Variants in MYH14 observed in about 807,000 individuals in gnomAD.
MYH14 encodes the protein myosin heavy chain 14, also known as myosin-14.
MYH14 carries 123 observed loss-of-function variants against 255.5 expected under a neutral mutation model. The observed-to-expected ratio is 0.48, with a 90% CI of 0.42 to 0.56. The LOEUF is 0.56. Among genes scored for constraint, MYH14 ranks in the 20% least tolerant of loss-of-function variants. The probability of loss-of-function intolerance (pLI) is 0.00; values close to 1 mark genes in which losing one functional copy is unlikely to be tolerated. For synonymous variants in MYH14, 1,095 were observed against 1,161.2 expected (o/e 0.94, Z 1.16); for missense variants, 2,423 against 2,802.3 (o/e 0.86, Z 3.06).
chr19:50,253,489 A>G (rs113249794), intron 16 of MYH14, among the ~76,000 whole-genome samples: 9 of 152,054 alleles, frequency 5.9e-5, no homozygotes, highest in African/African-American at 2.2e-4. Flanking sequence ...TAACAATAAG[A>G]GAACACAGAA....
At position 50,252,808 on chromosome 19, in the gene MYH14, A is replaced by C. The variant is rs918955750; in HGVS notation, c.1945+55A>C. On this transcript the variant is annotated intron_variant, in intron 16 of 42. Transcript: ENST00000642316. This position sits in a 1 kb window ranked among gnomAD's most constrained non-coding sequence, Gnocchi z 4.2. Reference sequence around the variant, plus strand: ...TAGGGGTCTGTGCGGCCATTCTCCAAATCCACAGCGTGAGCACCTTTGTTT... The same window carrying C: ...TAGGGGTCTGTGCGGCCATTCTCCACATCCACAGCGTGAGCACCTTTGTTT... The C allele has an allele frequency of 9.3e-6, 12 of 1,290,832 alleles. No individual in the cohort carries two copies. The East Asian group carries it at 2.8e-4, about 30-fold the overall frequency. 80.0% of individuals were successfully genotyped at this position (1,290,832 alleles called of 1,614,324 possible). A position where few individuals can be genotyped will look rare whatever the true frequency, so the allele number is the denominator to read the frequency against.
At position 50,277,995 on chromosome 19, in the gene MYH14, GC is replaced by G. The variant is rs1446533316; in HGVS notation, c.3826-86del. 2.1e-5 allele frequency: 21 copies of G among 977,934 alleles called. 1 individual carries two copies. The highest frequency in any genetic ancestry group is 3.2e-5 in the Admixed American group (1 of 31,358). The allele number at this position is 977,934 out of a possible 1,614,324, so 60.6% of individuals were successfully genotyped here. A position where few individuals can be genotyped will look rare whatever the true frequency, so the allele number is the denominator to read the frequency against. ...AAGTGTGTTCCAGGCAGAGGGAACA[GC>G]CAGTGCAAAGGCCCTGAGATGGGAG... On this transcript the variant is annotated intron_variant, in intron 29 of 42. Coordinates refer to ENST00000642316, the MANE Select transcript of MYH14 (RefSeq NM_001145809.2).
At position 50,277,917 on chromosome 19, in the gene MYH14, CA is replaced by C. The variant is rs11365121; in HGVS notation, c.3826-150del. Among the ~76,000 whole-genome samples, 6,412 of 121,990 alleles carry C rather than the reference CA, an allele frequency of 0.053. 341 individuals are homozygous for C. The highest frequency in any genetic ancestry group is 0.15 in the African/African-American group (5,331 of 34,404). 80.0% of individuals were successfully genotyped at this position (121,990 alleles called of 152,430 possible). A position where few individuals can be genotyped will look rare whatever the true frequency, so the allele number is the denominator to read the frequency against. ...GGGCAACAAGACTGAAGCACTGTCT[CA>C]AAAAAAAAAAAAAAATTGGGAGTGA... On this transcript the variant is annotated intron_variant, in intron 29 of 42. Coordinates refer to ENST00000642316, the MANE Select transcript of MYH14 (RefSeq NM_001145809.2).
intron 1 of MYH14, among the ~76,000 whole-genome samples, chr19:50,207,713 T>C (rs1164551006): frequency 6.6e-6 from 1 of 152,218 alleles, no homozygotes; most frequent in African/African-American, 2.4e-5. Context: ...TCTGCAGGCA[T>C]GAGATAGGCG....
intron 33 of MYH14, among the ~76,000 whole-genome samples, chr19:50,284,170 A>G (rs186725116): frequency 3.9e-5 from 6 of 152,130 alleles, no homozygotes; most frequent in Non-Finnish European, 8.8e-5. Context: ...ATGCTTTGCA[A>G]ATATTTTTGT....
At position 50,310,074 on chromosome 19, in the gene MYH14, GTCC is replaced by G. The variant is rs2036807369; in HGVS notation, c.*289_*291del. 3.7e-6 allele frequency: 2 copies of G among 538,320 alleles called. No individual in the cohort carries two copies. The highest frequency in any genetic ancestry group is 6.6e-6 in the Non-Finnish European group (2 of 303,526). The allele number at this position is 538,320 out of a possible 1,614,324, so 33.3% of individuals were successfully genotyped here. On this transcript the variant is annotated 3_prime_UTR_variant, in exon 43 of 43. Transcript: ENST00000642316. ...CAAGCTGTGTTTCCATCAGCTCCCTGTCCTCCTTTCTTCCCTCGTTATTGATCT... is the reference window on the plus strand; with the variant it reads ...CAAGCTGTGTTTCCATCAGCTCCCTGTCCTTTCTTCCCTCGTTATTGATCT...
intron 2 of MYH14, among the ~76,000 whole-genome samples, chr19:50,216,186 G>C (rs938580902): frequency 6.6e-6 from 1 of 152,154 alleles, no homozygotes; most frequent in Non-Finnish European, 1.5e-5. Flanking sequence ...CTGTTACAGA[G>C]TCCTGAGGCC....
At chr19:50,261,184 AC>A (rs1233394219) in intron 20 of MYH14, among the ~76,000 whole-genome samples, 1 of 730 alleles carries the variant, frequency 1.4e-3, no homozygotes, top group Non-Finnish European at 4.3e-3. Flanking sequence ...CCTCCTCACC[AC>A]CCCCCCATCA....
rs138001307 is a variant in MYH14, at chr19:50,217,735, G to T, written c.526G>T (p.Ala176Ser). The T allele has an allele frequency of 5.6e-6, 9 of 1,613,796 alleles. No individual in the cohort carries two copies. In the East Asian group the frequency reaches 1.8e-4, roughly 32 times the overall value. The change falls in exon 3 of 43, where the codon GCA becomes TCA. Residue 176 changes from alanine (A) to serine (S), a missense_variant. Transcript: ENST00000642316. ...CCACGAGGTGCCACCCCACGTGTAC[G>T]CAGTGACCGAGGGGGCCTATCGGAG... is the stretch of plus-strand genomic sequence containing the variant. ...KRHEVPPHVY[A>S]VTEGAYRSML...
chr19:50,307,539 T>A (rs1172580565), intron 41 of MYH14, among the ~76,000 whole-genome samples: 1 of 152,166 alleles, frequency 6.6e-6, no homozygotes, highest in East Asian at 1.9e-4. Flanking sequence ...ATTTACCCTC[T>A]TATTTATGTG....
At chr19:50,236,002 G>T (rs1341515475) in intron 10 of MYH14, among the ~76,000 whole-genome samples, 5 of 149,442 alleles carry the variant, frequency 3.3e-5, no homozygotes, top group Non-Finnish European at 5.9e-5. Flanking sequence ...TAGAGCCTTA[G>T]GTTGTTTCCA....
At chr19:50,225,114 TAAC>T (rs1028070666) in intron 6 of MYH14, among the ~76,000 whole-genome samples, 3 of 152,162 alleles carry the variant, frequency 2.0e-5, no homozygotes, top group Admixed American at 6.6e-5. Flanking sequence ...ATATTCATTG[TAAC>T]AACAACAAAT....
Position 50,276,291 on chromosome 19 carries a change from A to C in MYH14, c.3680+88A>C. On this transcript the variant is annotated intron_variant, in intron 28 of 42. Coordinates refer to ENST00000642316, the MANE Select transcript of MYH14 (RefSeq NM_001145809.2). This position sits in a 1 kb window ranked among gnomAD's most constrained non-coding sequence, Gnocchi z 4.3. The stretch of plus-strand genomic sequence containing the variant: ...AGGTACAAAGTCTCTGTCTATACAG[A>C]GGCTTACTTATTGTACAGTTGTTCA... 9.5e-7 allele frequency: 1 copy of C among 1,053,090 alleles called. No homozygotes were observed. The highest frequency in any genetic ancestry group is 1.3e-6 in the Non-Finnish European group (1 of 748,046). The allele number at this position is 1,053,090 out of a possible 1,614,324, so 65.2% of individuals were successfully genotyped here.
intron 5 of MYH14, among the ~76,000 whole-genome samples, chr19:50,223,735 G>T (rs1265454114): frequency 6.6e-6 from 1 of 152,186 alleles, no homozygotes; most frequent in African/African-American, 2.4e-5. Context: ...CGGGTGGGGT[G>T]GGTGCTGTTT....
intron 10 of MYH14, among the ~76,000 whole-genome samples, chr19:50,233,620 G>A (rs1369222894): frequency 1.3e-5 from 2 of 152,084 alleles, no homozygotes; most frequent in African/African-American, 2.4e-5. Context: ...CCAGACGCCC[G>A]GGATCGTGGT....
At chr19:50,259,325 G>A (rs1207996132) in intron 19 of MYH14, 60 bp downstream of exon 19, 6 of 1,544,366 alleles carry the variant, frequency 3.9e-6, no homozygotes, top group Non-Finnish European at 5.2e-6. Flanking sequence ...GGGTCTGGAA[G>A]CCGACACACC....
intron 33 of MYH14, chr19:50,284,835 C>G (rs2035839495): frequency 6.6e-6 from 1 of 151,742 alleles, no homozygotes; most frequent in African/African-American, 2.4e-5. Flanking sequence ...TCCAACACTG[C>G]TCTCCACTGA....
Position 50,276,960 on chromosome 19 carries a change from G to A in MYH14, c.3825+59G>A. On this transcript the variant is annotated intron_variant, in intron 29 of 42. Transcript: ENST00000642316. The surrounding 1 kb of genome is among the most constrained non-coding windows in gnomAD (Gnocchi z 4.3). The stretch of plus-strand genomic sequence containing the variant: ...CACGGGGAGGGCAGGGCAGGACGCG[G>A]GGTTGGAGGAGGTACCGCTGGCTGG... The A allele has an allele frequency of 7.2e-7, 1 of 1,397,972 alleles. No individual in the cohort carries two copies. Among genetic ancestry groups the A allele is most frequent in the South Asian group, 1.3e-5 (1 of 79,636 alleles). The allele number at this position is 1,397,972 out of a possible 1,614,324, so 86.6% of individuals were successfully genotyped here. A position where few individuals can be genotyped will look rare whatever the true frequency, so the allele number is the denominator to read the frequency against.
intron 27 of MYH14, 40 bp from the exon 28 acceptor site, chr19:50,275,951 C>A (rs1197466774): frequency 2.0e-6 from 3 of 1,527,434 alleles, no homozygotes; most frequent in Non-Finnish European, 2.7e-6. Context: ...CTCACTCTGG[C>A]CTGCCCCTGT....
Sources: allele counts gnomAD v4.1 joint callset (sites outside exome capture counted in the v4.1 genomes callset), GRCh38; gene constraint gnomAD v4.1.1; non-coding constraint Gnocchi (gnomAD v3.1); transcripts MANE v1.5; gene names NCBI Gene and HGNC (gene_info 2026-07-23, HGNC 2026-07-21).